Variants in SLC12A3 observed in about 807,000 individuals in gnomAD.
SLC12A3 encodes solute carrier family 12 member 3, also known as Na-Cl cotransporter.
SLC12A3 carries 104 observed loss-of-function variants against 121.0 expected under a neutral mutation model. The observed-to-expected ratio is 0.86, with a 90% CI of 0.73 to 1.01. SLC12A3 has a LOEUF of 1.01. Among genes scored for constraint, SLC12A3 ranks in the 50% least tolerant of loss-of-function variants. The pLI, the probability that SLC12A3 is intolerant of heterozygous loss-of-function variation, is 0.00. For synonymous variants in SLC12A3, 536 were observed against 533.4 expected (o/e 1.00, Z -0.07); for missense variants, 1,328 against 1,356.3 (o/e 0.98, Z 0.33).
At chr16:56,911,115 A>G (rs192309459) in intron 25 of SLC12A3, among the ~76,000 whole-genome samples, 1 of 152,284 alleles carries the variant, frequency 6.6e-6, no homozygotes, top group Admixed American at 6.5e-5. Flanking sequence ...GAAGTTTCTG[A>G]ATTCAGTCCC....
At chr16:56,883,279 C>CTTTTTTTTTTTTT (rs71152216) in intron 13 of SLC12A3, among the ~76,000 whole-genome samples, 1 of 119,550 alleles carries the variant, frequency 8.4e-6, no homozygotes, top group Non-Finnish European at 1.7e-5. Context: ...CTTTTTCTTT[C>CTTTTTTTTTTTTT]TTTTTTTTTT....
At chr16:56,872,592 G>A in intron 7 of SLC12A3, 64 bp from the exon 8 acceptor site, 10 of 1,612,752 alleles carry the variant, frequency 6.2e-6, no homozygotes, top group Non-Finnish European at 4.2e-6. Flanking sequence ...CCTGCCCAGT[G>A]GGTCCCAGCA....
At chr16:56,879,490 G>T in intron 10 of SLC12A3, 52 bp from the exon 11 acceptor site, 8 of 1,452,168 alleles carry the variant, frequency 5.5e-6, no homozygotes, top group Non-Finnish European at 7.7e-6. Context: ...CACAGATGGG[G>T]GCTCCTGGCT....
intron 19 of SLC12A3, 90 bp from the exon 20 acceptor site, chr16:56,891,993 T>C (rs1802957864): frequency 1.1e-5 from 11 of 995,984 alleles, no homozygotes; most frequent in Admixed American, 1.7e-5. Context: ...GGGACTTTCT[T>C]CCTAGCATTA....
At chr16:56,867,251 A>G (rs1387965083) in intron 2 of SLC12A3, 35 bp downstream of exon 2, 1 of 1,578,602 alleles carries the variant, frequency 6.3e-7, no homozygotes, top group Admixed American at 1.9e-5. Flanking sequence ...GATGTCCAGA[A>G]ATGGGGGTGG....
chr16:56,902,531 G>GGGGGGGGGA, intron 24 of SLC12A3, 23 bp downstream of exon 24: 1 of 714,570 alleles, frequency 1.4e-6, no homozygotes, highest in Non-Finnish European at 2.4e-6. Flanking sequence ...GTGGGGGTGG[G>GGGGGGGGGA]AAACGCGACA....
In SLC12A3 at chr16:56,872,496, G is replaced by A. The variant is rs1296694808; in HGVS notation, c.964+34G>A. The A allele has an allele frequency of 2.5e-6, 4 of 1,591,406 alleles. No individual in the cohort carries two copies. In the Admixed American group the frequency reaches 5.0e-5, roughly 20 times the overall value. On this transcript the variant is annotated intron_variant, in intron 7 of 25. Coordinates refer to ENST00000563236, the MANE Select transcript of SLC12A3 (RefSeq NM_001126108.2). Reference sequence around the variant, plus strand: ...TGATCAAGGCCCTGACCATGGCTCTGGGGACAGGGACTCTCTACCCAGGAA... The same window carrying A: ...TGATCAAGGCCCTGACCATGGCTCTAGGGACAGGGACTCTCTACCCAGGAA...
At position 56,872,661 on chromosome 16, in the gene SLC12A3, A is replaced by G; in HGVS notation, c.970A>G (p.Ile324Val). The stretch of plus-strand genomic sequence containing the variant: ...ATCAGGCCTTGCTTTTCCAGCGGAC[A>G]TTTTTGTCCAGAACTTGGTGCCTGA... ...SKGFFSYRAD[I>V]FVQNLVPDWR... The change falls in exon 8 of 26, where the codon ATT becomes GTT. Residue 324 changes from isoleucine (I) to valine (V), a missense_variant. Coordinates refer to ENST00000563236, the MANE Select transcript of SLC12A3 (RefSeq NM_001126108.2). 6.2e-7 allele frequency: 1 copy of G among 1,614,252 alleles called. No homozygotes were observed. The highest frequency in any genetic ancestry group is 8.5e-7 in the Non-Finnish European group (1 of 1,180,040).
intron 15 of SLC12A3, 60 bp from the exon 16 acceptor site, chr16:56,886,304 C>A: frequency 7.6e-7 from 1 of 1,319,518 alleles, no homozygotes; most frequent in Non-Finnish European, 1.1e-6. Context: ...GTGCCTTTCG[C>A]ACCCAGACCC....
chr16:56,893,700 G>A (rs564700386), intron 21 of SLC12A3, among the ~76,000 whole-genome samples: 1 of 152,264 alleles, frequency 6.6e-6, no homozygotes, highest in African/African-American at 2.4e-5. Flanking sequence ...CCCACACGCT[G>A]GTCAAATATT....
chr16:56,912,031 C>A (rs762154719), intron 25 of SLC12A3, among the ~76,000 whole-genome samples: 2 of 152,246 alleles, frequency 1.3e-5, no homozygotes, highest in Non-Finnish European at 2.9e-5. Context: ...ACGACTCGGA[C>A]GCCAGAGACT....
intron 5 of SLC12A3, 113 bp downstream of exon 5, chr16:56,870,348 GAACCAC>G (rs780806832): frequency 2.5e-6 from 3 of 1,186,506 alleles, no homozygotes; most frequent in Non-Finnish European, 3.5e-6. Context: ...CACCCATCAG[GAACCAC>G]AGCCTGATCA....
chr16:56,888,548 A>ATTTTT (rs2055348810), intron 18 of SLC12A3, among the ~76,000 whole-genome samples: 1 of 100,698 alleles, frequency 9.9e-6, no homozygotes, highest in Non-Finnish European at 2.1e-5. Flanking sequence ...CAGATCTTTT[A>ATTTTT]ATTTTTTTTT....
chr16:56,869,728 G>T lies in SLC12A3; in HGVS notation c.506-1G>T. On this transcript the variant is annotated splice_acceptor_variant, in intron 3 of 25. Transcript: ENST00000563236. LOFTEE classifies it high-confidence loss of function. ...GCCTAAGCTTTGGGTGCCCCCTGCA[G>T]TCCTGACCTGGATCATCATCCTGCT... 1.2e-6 allele frequency: 2 copies of T among 1,614,016 alleles called. No homozygotes were observed. Among genetic ancestry groups the T allele is most frequent in the Non-Finnish European group, 1.7e-6 (2 of 1,179,932 alleles).
At chr16:56,903,007 G>A (rs2055559792) in intron 24 of SLC12A3, among the ~76,000 whole-genome samples, 1 of 152,052 alleles carries the variant, frequency 6.6e-6, no homozygotes, top group East Asian at 1.9e-4. Context: ...AAATTAGCTG[G>A]GCATGGTGGC....
rs886052156 is a variant in SLC12A3, at chr16:56,867,073, G to C, written c.286G>C (p.Glu96Gln). The change falls in exon 2 of 26, where the codon GAA becomes CAA. Residue 96 changes from glutamate to glutamine, a missense_variant. By Grantham distance (29) the Glu-to-Gln change is conservative. Transcript: ENST00000563236. ...LADLHSFLKQEGRHLHALAFD... is the reference protein window; with the variant it reads ...LADLHSFLKQQGRHLHALAFD... ...CTTGTGGTCTCTGGGCTGCCAGCAG[G>C]AAGGCAGACACCTGCATGCCCTGGC... The C allele has an allele frequency of 6.2e-6, 10 of 1,612,730 alleles. No individual in the cohort carries two copies. Among genetic ancestry groups the C allele is most frequent in the Non-Finnish European group, 8.5e-6 (10 of 1,180,026 alleles).
Position 56,887,047 on chromosome 16 carries a change from A to T in SLC12A3, c.2132A>T (p.Asp711Val), listed in dbSNP as rs1383449467. The T allele has an allele frequency of 6.2e-7, 1 of 1,613,960 alleles. No homozygotes were observed. The highest frequency in any genetic ancestry group is 2.2e-5 in the East Asian group (1 of 44,866). ...AGGAAGATCAAGGCCTTCTACTCGG[A>T]TGTCATTGCCGAGGACCTCCGCAGA... ...NKRKIKAFYS[D>V]VIAEDLRRGV... Residue 711 changes from aspartate to valine, a missense_variant, in exon 17 of 26, where the codon GAT becomes GTT. Coordinates refer to ENST00000563236, the MANE Select transcript of SLC12A3 (RefSeq NM_001126108.2).
intron 23 of SLC12A3, 84 bp from the exon 24 acceptor site, chr16:56,902,289 A>G: frequency 6.4e-7 from 1 of 1,560,926 alleles, no homozygotes; most frequent in East Asian, 2.2e-5. Context: ...CTGTGGCAAC[A>G]CTGCCAGCTC....
chr16:56,880,572 C>G lies in SLC12A3; in HGVS notation c.1567+319C>G, dbSNP rs117656569. 2.0e-5 allele frequency among the ~76,000 whole-genome samples: 3 copies of G among 152,292 alleles called. No homozygotes were observed. In the East Asian group the frequency reaches 5.8e-4, roughly 29 times the overall value. On this transcript the variant is annotated intron_variant, in intron 12 of 25. Transcript: ENST00000563236. The stretch of plus-strand genomic sequence containing the variant: ...ACATGTCCTGGCAGCTAGCATCCCC[C>G]TCCCCAGGCCTAAATGAACCCCAGA...
Sources: gnomAD v4.1 joint callset for allele counts (sites outside exome capture counted in the v4.1 genomes callset) on GRCh38, gnomAD v4.1.1 for gene constraint, MANE v1.5 for transcripts, NCBI Gene and HGNC (gene_info 2026-07-23, HGNC 2026-07-21) for gene names.